Variants in KHDRBS2 observed in about 807,000 individuals in gnomAD.
KHDRBS2 encodes KH domain-containing, RNA-binding, signal transduction-associated protein 2.
Under a neutral mutation model 44.3 loss-of-function variants are expected in KHDRBS2, and 26 were observed. That is an observed-to-expected ratio of 0.59 (90% confidence interval 0.43 to 0.81). KHDRBS2 has a LOEUF of 0.81. KHDRBS2 is among the 40% of genes least tolerant of loss of function. The pLI, the probability that KHDRBS2 is intolerant of heterozygous loss-of-function variation, is 0.00. For missense variants in KHDRBS2, 476 were observed against 433.1 expected (o/e 1.10, Z -0.88); for synonymous variants, 194 against 151.1 (o/e 1.28, Z -2.08).
At chr6:61,856,842 A>G (rs934883810) in intron 6 of KHDRBS2, among the ~76,000 whole-genome samples, 2 of 152,068 alleles carry the variant, frequency 1.3e-5, no homozygotes, top group African/African-American at 4.8e-5. Flanking sequence ...TGCTGGAGGT[A>G]GAGTGGGGCC....
intron 1 of KHDRBS2, among the ~76,000 whole-genome samples, chr6:62,254,846 CG>C (rs1235633517): frequency 6.6e-6 from 1 of 151,812 alleles, no homozygotes; most frequent in Non-Finnish European, 1.5e-5. Flanking sequence ...GAATGGATTA[CG>C]GAGGGATTAT....
intron 6 of KHDRBS2, among the ~76,000 whole-genome samples, chr6:61,886,479 G>C (rs1800975359): frequency 6.7e-6 from 1 of 148,720 alleles, no homozygotes; most frequent in Non-Finnish European, 1.5e-5. Flanking sequence ...CAGCCATATA[G>C]CCATCTGTGA....
Position 61,828,040 on chromosome 6 carries a change from A to T in KHDRBS2, c.810+66595T>A, listed in dbSNP as rs558977888. Among the ~76,000 whole-genome samples, 50 of 152,302 alleles carry T rather than the reference A, an allele frequency of 3.3e-4. No individual in the cohort carries two copies. The South Asian group carries it at 8.1e-3, about 25-fold the overall frequency. On this transcript the variant is annotated intron_variant, in intron 6 of 8. Coordinates refer to ENST00000281156, the MANE Select transcript of KHDRBS2 (RefSeq NM_152688.4). ...AACCCTGTGGACCTCACCTACAGAC[A>T]TCACTGATCATTCTGGCACTGACAT...
At chr6:61,638,019 C>A in the KHDRBS2 span, among the ~76,000 whole-genome samples, 1 of 152,004 alleles carries the variant, frequency 6.6e-6, no homozygotes, top group African/African-American at 2.4e-5. Context: ...TTTTGCTGTG[C>A]AGAAGCTCTT....
intron 3 of KHDRBS2, among the ~76,000 whole-genome samples, chr6:62,038,452 C>T (rs748039692): frequency 6.6e-6 from 1 of 151,932 alleles, no homozygotes; most frequent in African/African-American, 2.4e-5. Flanking sequence ...TTCATGACAA[C>T]TCTACTCAAG....
intron 3 of KHDRBS2, among the ~76,000 whole-genome samples, chr6:62,039,852 A>C (rs1045176034): frequency 2.6e-5 from 4 of 152,106 alleles, no homozygotes; most frequent in Non-Finnish European, 5.9e-5. Context: ...TCCCTAGTAA[A>C]ATGCTAGAAC....
At chr6:62,194,403 G>A (rs772412847) in intron 1 of KHDRBS2, among the ~76,000 whole-genome samples, 8 of 148,362 alleles carry the variant, frequency 5.4e-5, no homozygotes, top group African/African-American at 1.0e-4. Context: ...TCTATTTCTG[G>A]ACTTTCTAAG....
intron 6 of KHDRBS2, among the ~76,000 whole-genome samples, chr6:61,828,584 T>C (rs1302778891): frequency 6.6e-6 from 1 of 152,232 alleles, no homozygotes; most frequent in East Asian, 1.9e-4. Context: ...ATTCTTTAAA[T>C]CTTAGCTCAA....
intron 6 of KHDRBS2, among the ~76,000 whole-genome samples, chr6:61,791,745 G>GC (rs1784669762): frequency 6.6e-6 from 1 of 151,322 alleles, no homozygotes; most frequent in Non-Finnish European, 1.5e-5. Flanking sequence ...TCTGTCTCTA[G>GC]CAGGGCTTTT....
Position 62,100,419 on chromosome 6 carries a change from G to A in KHDRBS2, c.220-52425C>T, listed in dbSNP as rs1339328443. Among the ~76,000 whole-genome samples, 105 of 152,212 alleles carry A rather than the reference G, an allele frequency of 6.9e-4. 1 individual carries two copies. The highest frequency in any genetic ancestry group is 1.9e-4 in the East Asian group (1 of 5,180). ...TTGATAAAGACATAGTAGGTTGGAG[G>A]GAACTTCCTCCAATTTCAAAAGAAG... On this transcript the variant is annotated intron_variant, in intron 2 of 8. Coordinates refer to ENST00000281156, the MANE Select transcript of KHDRBS2 (RefSeq NM_152688.4).
intron 6 of KHDRBS2, among the ~76,000 whole-genome samples, chr6:61,882,248 T>C (rs1171584265): frequency 3.3e-5 from 5 of 151,990 alleles, no homozygotes; most frequent in Non-Finnish European, 4.4e-5. Context: ...CCCAGCAACC[T>C]GAACCTTCTA....
chr6:61,853,250 C>T (rs1029147978), intron 6 of KHDRBS2, among the ~76,000 whole-genome samples: 19 of 152,164 alleles, frequency 1.2e-4, no homozygotes, highest in African/African-American at 4.1e-4. Context: ...TAGAGTCTAT[C>T]TCCAAATCTA....
At chr6:62,080,287 C>T (rs190426551) in intron 2 of KHDRBS2, among the ~76,000 whole-genome samples, 200 of 152,102 alleles carry the variant, frequency 1.3e-3, no homozygotes, top group Non-Finnish European at 2.1e-3. Context: ...CTTAAGACAG[C>T]CTATGATGCA....
At chr6:62,221,886 A>G (rs1363931702) in intron 1 of KHDRBS2, among the ~76,000 whole-genome samples, 1 of 152,134 alleles carries the variant, frequency 6.6e-6, no homozygotes, top group Non-Finnish European at 1.5e-5. Context: ...AACTGACCCT[A>G]AACTAAAAAC....
intron 3 of KHDRBS2, among the ~76,000 whole-genome samples, chr6:62,031,403 C>G (rs1784314353): frequency 6.6e-6 from 1 of 151,958 alleles, no homozygotes; most frequent in Non-Finnish European, 1.5e-5. Context: ...TGTCCTGTAC[C>G]TTAGGTGGGC....
chr6:61,735,061 A>T (rs186626024), intron 6 of KHDRBS2, among the ~76,000 whole-genome samples: 72 of 146,532 alleles, frequency 4.9e-4, no homozygotes, highest in African/African-American at 1.5e-3. Context: ...CTCTATTAAG[A>T]GGTATTTTGG....
At chr6:62,091,337 T>A (rs925231128) in intron 2 of KHDRBS2, among the ~76,000 whole-genome samples, 1 of 152,182 alleles carries the variant, frequency 6.6e-6, no homozygotes, top group Non-Finnish European at 1.5e-5. Flanking sequence ...TTCTAATAAT[T>A]CTTAGTATAA....
At chr6:61,606,816 C>T in the KHDRBS2 span, among the ~76,000 whole-genome samples, 467 of 152,250 alleles carry the variant, frequency 3.1e-3, 4 homozygotes, top group African/African-American at 0.011. Context: ...ATATCTTCCA[C>T]AAAAAGCAGC....
chr6:62,269,163 G>A (rs1229312198), intron 1 of KHDRBS2, among the ~76,000 whole-genome samples: 1 of 151,956 alleles, frequency 6.6e-6, no homozygotes, highest in African/African-American at 2.4e-5. Flanking sequence ...AGAAAATATT[G>A]AGAATAACTC....
Sources: gnomAD v4.1 joint callset for allele counts (sites outside exome capture counted in the v4.1 genomes callset) on GRCh38, gnomAD v4.1.1 for gene constraint, MANE v1.5 for transcripts, NCBI Gene and HGNC (gene_info 2026-07-23, HGNC 2026-07-21) for gene names.